The following DNAJA3 variants were observed in gnomAD, a reference collection of about 807,000 sequenced individuals.
DNAJA3 encodes the protein DnaJ heat shock protein family (Hsp40) member A3, also known as dnaJ homolog subfamily A member 3, mitochondrial.
In DNAJA3, 29 loss-of-function variants were observed where a neutral mutation model predicts 54.9. The ratio of observed to expected loss-of-function variants is 0.53; its 90% CI spans 0.39 to 0.72. The LOEUF (loss-of-function observed/expected upper bound fraction) is 0.72. DNAJA3 is among the 30% of genes least tolerant of loss of function. DNAJA3 has a pLI of 0.00. For synonymous variants in DNAJA3, 302 were observed against 251.4 expected, an observed-to-expected ratio of 1.20 and a Z score of -1.90; for missense variants, 708 against 639.4, an observed-to-expected ratio of 1.11 and a Z score of -1.16.
chr16:4,429,255 G>C (rs896573813), intron 1 of DNAJA3, among the ~76,000 whole-genome samples: 2 of 151,008 alleles, frequency 1.3e-5, no homozygotes, highest in Admixed American at 6.6e-5. Context: ...GCAGTGGTGC[G>C]ATCTCGGCTC....
At chr16:4,444,345 CTT>C (rs1290640054) in intron 6 of DNAJA3, among the ~76,000 whole-genome samples, 20 of 137,358 alleles carry the variant, frequency 1.5e-4, no homozygotes, top group Admixed American at 1.5e-4. Context: ...TTTTTCTTTT[CTT>C]TTTTTTTTTT....
At chr16:4,447,446 G>C (rs557982024) in intron 8 of DNAJA3, 64 of 162,538 alleles carry the variant, frequency 3.9e-4, no homozygotes, top group African/African-American at 1.5e-3. Context: ...TGCCCCTCCA[G>C]CTCTTCCCAC....
At position 4,442,859 on chromosome 16, in the gene DNAJA3, T is replaced by G. The variant is rs184769300; in HGVS notation, c.784-158T>G. 37 of 715,366 alleles carry G rather than the reference T, an allele frequency of 5.2e-5. No individual in the cohort carries two copies. The East Asian group carries it at 1.0e-3, about 19-fold the overall frequency. 44.3% of individuals were successfully genotyped at this position (715,366 alleles called of 1,614,324 possible). ...GTTCTAGAAAATCAGATGAACAGAT[T>G]GAGGCCCTGCACCTGGGTTCCTAGG... On this transcript the variant is annotated intron_variant, in intron 5 of 11. Coordinates refer to ENST00000262375, the MANE Select transcript of DNAJA3 (RefSeq NM_005147.6).
chr16:4,425,870 C>T lies in DNAJA3; in HGVS notation c.-12C>T, dbSNP rs1291627176. On this transcript the variant is annotated 5_prime_UTR_variant, in exon 1 of 12. Coordinates refer to ENST00000262375, the MANE Select transcript of DNAJA3 (RefSeq NM_005147.6). ...GAGCCGGGCGGCGCAGGCGCAGAGT[C>T]CCCGGGCCAAGATGGCTGCGCGGTG... 3 of 1,519,876 alleles carry T rather than the reference C, an allele frequency of 2.0e-6. No homozygotes were observed. Among genetic ancestry groups the T allele is most frequent in the African/African-American group, 2.8e-5 (2 of 70,578 alleles). 94.1% of individuals were successfully genotyped at this position (1,519,876 alleles called of 1,614,324 possible).
intron 1 of DNAJA3, among the ~76,000 whole-genome samples, chr16:4,432,489 T>G (rs1001711104): frequency 6.6e-6 from 1 of 151,530 alleles, no homozygotes; most frequent in Admixed American, 6.6e-5. Context: ...ATTACAGGCA[T>G]GTACCACCAC....
At position 4,441,500 on chromosome 16, in the gene DNAJA3, G is replaced by A; in HGVS notation, c.555G>A (p.Leu185=). 1 of 1,614,208 alleles carries A rather than the reference G, an allele frequency of 6.2e-7. No individual in the cohort carries two copies. The highest frequency in any genetic ancestry group is 8.5e-7 in the Non-Finnish European group (1 of 1,180,038). ...GCCCCACTGTGGACCCCGAGGAGCT[G>A]TTCAGGAAGATCTTTGGCGAGTTCT... The part of the protein sequence containing the change: ...KGGPTVDPEE[L]FRKIFGEFSS... The change falls in exon 4 of 12, where the codon CTG becomes CTA. Residue 185 remains leucine (L), a synonymous_variant. Transcript: ENST00000262375.
At chr16:4,448,279 C>T (rs1596369812) in intron 8 of DNAJA3, among the ~76,000 whole-genome samples, 1 of 151,440 alleles carries the variant, frequency 6.6e-6, no homozygotes, top group East Asian at 1.9e-4. Flanking sequence ...CCTGCCTCAG[C>T]CCCCCAAAGT....
intron 4 of DNAJA3, among the ~76,000 whole-genome samples, 199 bp downstream of exon 4, chr16:4,441,774 C>T (rs2056839526): frequency 6.6e-6 from 1 of 152,096 alleles, no homozygotes; most frequent in Non-Finnish European, 1.5e-5. Context: ...TGATGGTATT[C>T]TTAACAGTTG....
intron 7 of DNAJA3, among the ~76,000 whole-genome samples, chr16:4,446,449 G>T (rs2056903280): frequency 6.7e-6 from 1 of 149,110 alleles, no homozygotes; most frequent in African/African-American, 2.5e-5. Flanking sequence ...TCACCATGTT[G>T]GTCAGTCTGG....
intron 10 of DNAJA3, among the ~76,000 whole-genome samples, chr16:4,452,980 A>C (rs539564699): frequency 6.6e-6 from 1 of 152,208 alleles, no homozygotes; most frequent in Non-Finnish European, 1.5e-5. Flanking sequence ...CTGTGAAGAC[A>C]GTTAGTTTTG....
chr16:4,444,612 G>A, intron 6 of DNAJA3, 52 bp from the exon 7 acceptor site: 1 of 1,536,234 alleles, frequency 6.5e-7, no homozygotes, highest in South Asian at 1.1e-5. Flanking sequence ...GGGATTACAG[G>A]CGTGAGCCAC....
intron 1 of DNAJA3, among the ~76,000 whole-genome samples, chr16:4,430,217 G>A (rs2056679499): frequency 6.6e-6 from 1 of 151,944 alleles, no homozygotes; most frequent in South Asian, 2.1e-4. Context: ...CTCAAATCTA[G>A]TAGTAAGATG....
chr16:4,438,042 C>G (rs560111189), intron 3 of DNAJA3, among the ~76,000 whole-genome samples: 9 of 152,126 alleles, frequency 5.9e-5, no homozygotes, highest in Admixed American at 3.9e-4. Context: ...CCAGGCCAGG[C>G]GTGGTGGCTC....
intron 2 of DNAJA3, among the ~76,000 whole-genome samples, chr16:4,435,293 A>G (rs756862998): frequency 6.6e-6 from 1 of 152,108 alleles, no homozygotes; most frequent in Non-Finnish European, 1.5e-5. Flanking sequence ...CGAGATGTCT[A>G]CACCACTGGT....
chr16:4,435,526 G>A (rs4786489), intron 2 of DNAJA3, among the ~76,000 whole-genome samples: 104,317 of 152,062 alleles, frequency 0.69, 36,035 homozygotes, highest in Non-Finnish European at 0.73. Flanking sequence ...GCTAATCTGC[G>A]TCCTGCCTCT....
Position 4,442,431 on chromosome 16 carries a change from G to A in DNAJA3, c.783+11G>A, listed in dbSNP as rs2056847973. 2 of 1,579,166 alleles carry A rather than the reference G, an allele frequency of 1.3e-6. No individual in the cohort carries two copies. The highest frequency in any genetic ancestry group is 2.3e-5 in the East Asian group (1 of 43,592). ...GGCGGCTCCGGCATGGTAAGGCTCT[G>A]CCCGAGACTCCACCTCCCACGGCTT... On this transcript the variant is annotated intron_variant, in intron 5 of 11. Transcript: ENST00000262375.
At chr16:4,435,773 T>C (rs975647692) in intron 2 of DNAJA3, among the ~76,000 whole-genome samples, 12 of 152,258 alleles carry the variant, frequency 7.9e-5, no homozygotes, top group African/African-American at 2.9e-4. Context: ...TCATGAACAG[T>C]GCTGCTATAT....
chr16:4,437,348 T>G (rs1394271402), intron 2 of DNAJA3, 54 bp from the exon 3 acceptor site: 41 of 1,453,524 alleles, frequency 2.8e-5, no homozygotes, highest in Non-Finnish European at 3.8e-5. Context: ...TTGTTGTTTC[T>G]GGTATTTGGG....
intron 10 of DNAJA3, among the ~76,000 whole-genome samples, chr16:4,452,191 G>A (rs1007005416): frequency 1.3e-5 from 2 of 152,082 alleles, no homozygotes; most frequent in Non-Finnish European, 2.9e-5. Context: ...TTTTGTTCTT[G>A]TTGTATCTCT....
Sources: gnomAD v4.1 joint callset for allele counts (sites outside exome capture counted in the v4.1 genomes callset) on GRCh38, gnomAD v4.1.1 for gene constraint, MANE v1.5 for transcripts, NCBI Gene and HGNC (gene_info 2026-07-23, HGNC 2026-07-21) for gene names.